Variants in BCAP29 observed in about 807,000 individuals in gnomAD.
BCAP29 encodes the protein B cell receptor associated protein 29, also known as B-cell receptor-associated protein 29.
A neutral mutation model predicts 31.8 loss-of-function variants in BCAP29; 34 were observed. The observed-to-expected ratio is 1.07, with a 90% CI of 0.81 to 1.42. BCAP29 has a LOEUF of 1.42. Among genes scored for constraint, BCAP29 ranks in the 40% most tolerant of loss-of-function variants. The probability of loss-of-function intolerance (pLI) is 0.00; values close to 1 mark genes in which losing one functional copy is unlikely to be tolerated. For missense variants in BCAP29, 314 were observed against 269.2 expected (o/e 1.17, Z -1.16); for synonymous variants, 104 against 91.3 (o/e 1.14, Z -0.79).
At chr7:107,592,026 A>G (rs945257189) in intron 3 of BCAP29, among the ~76,000 whole-genome samples, 2 of 152,014 alleles carry the variant, frequency 1.3e-5, no homozygotes, top group Admixed American at 6.6e-5. Flanking sequence ...GCCTCATGCT[A>G]TCCTTCTGCC....
chr7:107,613,592 A>T, intron 7 of BCAP29, 160 bp downstream of exon 7: 1 of 1,489,204 alleles, frequency 6.7e-7, no homozygotes, highest in South Asian at 1.1e-5. Flanking sequence ...GAGGGTAAAG[A>T]TTAGGACATT....
downstream of BCAP29, chr7:107,622,888 A>C (rs9691194): frequency 0.93 from 141,211 of 152,254 alleles, 65,630 homozygotes; most frequent in African/African-American, 0.98. Context: ...TACTGGTTGT[A>C]CCCCAGTATC....
chr7:107,617,593 C>T (rs1035811589), intron 7 of BCAP29, among the ~76,000 whole-genome samples: 1 of 152,020 alleles, frequency 6.6e-6, no homozygotes. Flanking sequence ...TCCATAATAG[C>T]TTCATTAAAG....
intron 3 of BCAP29, 135 bp from the exon 4 acceptor site, chr7:107,593,820 G>A: frequency 6.3e-6 from 5 of 788,216 alleles, no homozygotes; most frequent in Non-Finnish European, 9.6e-6. Context: ...ACTGTAGACG[G>A]AATGACATAA....
intron 5 of BCAP29, among the ~76,000 whole-genome samples, chr7:107,599,295 A>AATATATATAAT (rs1810648123): frequency 2.1e-4 from 5 of 23,346 alleles, no homozygotes; most frequent in Admixed American, 4.7e-4. Context: ...TTATATATAA[A>AATATATATAAT]TTATATATAA....
chr7:107,599,208 TAA>T (rs1810516063), intron 5 of BCAP29, among the ~76,000 whole-genome samples: 3 of 19,036 alleles, frequency 1.6e-4, no homozygotes, highest in South Asian at 2.1e-3. Context: ...TACATATTTA[TAA>T]ATATATATAT....
chr7:107,603,629 A>G (rs1250309977), intron 6 of BCAP29: 1 of 127,030 alleles, frequency 7.9e-6, no homozygotes, highest in Non-Finnish European at 1.6e-5. Flanking sequence ...TTTTTTTGAG[A>G]CAGAGTCTCA....
intron 6 of BCAP29, among the ~76,000 whole-genome samples, chr7:107,612,415 A>T (rs1369050776): frequency 2.4e-5 from 1 of 40,896 alleles, no homozygotes; most frequent in Admixed American, 3.4e-4. Flanking sequence ...ATATATATAT[A>T]TATATATATA....
downstream of BCAP29, chr7:107,621,805 C>G (rs537974764): frequency 2.0e-5 from 10 of 494,112 alleles, no homozygotes; most frequent in East Asian, 4.7e-4. Context: ...CTACAGATAC[C>G]GATAAAACTG....
At position 107,612,403 on chromosome 7, in the gene BCAP29, A is replaced by ATG. The variant is rs1413701435; in HGVS notation, c.590-928_590-927insGT. Among the ~76,000 whole-genome samples the ATG allele has an allele frequency of 1.0e-4, 3 of 28,662 alleles. No individual in the cohort carries two copies. The East Asian group carries it at 2.9e-3, about 28-fold the overall frequency. 18.8% of individuals were successfully genotyped at this position (28,662 alleles called of 152,430 possible). The stretch of plus-strand genomic sequence containing the variant: ...ACAATGTATTGTTTTATATATATAT[A>ATG]TATATATATATATATATATATATAT... On this transcript the variant is annotated intron_variant, in intron 6 of 7. Transcript: ENST00000005259.
intron 2 of BCAP29, among the ~76,000 whole-genome samples, chr7:107,582,387 A>C (rs557062791): frequency 6.6e-6 from 1 of 152,376 alleles, no homozygotes; most frequent in South Asian, 2.1e-4. Context: ...CAGATCATTT[A>C]CAATATGTCC....
chr7:107,612,391 T>G (rs761455409), intron 6 of BCAP29, among the ~76,000 whole-genome samples: 2 of 30,880 alleles, frequency 6.5e-5, no homozygotes, highest in Non-Finnish European at 1.2e-4. Flanking sequence ...ATGTATTGTT[T>G]TATATATATA....
chr7:107,583,565 A>G (rs924771338), intron 2 of BCAP29, among the ~76,000 whole-genome samples: 4 of 152,166 alleles, frequency 2.6e-5, no homozygotes, highest in African/African-American at 9.7e-5. Context: ...GATACAGAGT[A>G]GTAGCTTCTA....
At chr7:107,623,161 G>A (rs1815109027), downstream of BCAP29, 1 of 152,100 alleles carries the variant, frequency 6.6e-6, no homozygotes, top group Admixed American at 6.6e-5. Flanking sequence ...CACCTGTCCT[G>A]AATTGCTGTG....
At chr7:107,608,413 T>C (rs1389539375) in intron 6 of BCAP29, among the ~76,000 whole-genome samples, 1 of 152,230 alleles carries the variant, frequency 6.6e-6, no homozygotes, top group African/African-American at 2.4e-5. Flanking sequence ...TTGGGAGCTC[T>C]TTCATTTGGC....
chr7:107,583,911 G>C lies in BCAP29; in HGVS notation c.122G>C (p.Trp41Ser). The change falls in exon 3 of 8, where the codon TGG (tryptophan) becomes TCG (serine). Residue 41 changes from tryptophan (W) to serine (S), a missense_variant. Trp to Ser is a radical substitution (Grantham distance 177). Coordinates refer to ENST00000005259, the MANE Select transcript of BCAP29 (RefSeq NM_018844.4). ...RWQKIFSFNV[W>S]GKIATFWNKA... ...CAGAAGATTTTTTCATTTAATGTCT[G>C]GGGTAAAATTGCAACTTTTTGGAAC... The C allele has an allele frequency of 6.3e-7, 1 of 1,578,702 alleles. No homozygotes were observed. Among genetic ancestry groups the C allele is most frequent in the East Asian group, 2.3e-5 (1 of 43,480 alleles).
Position 107,600,393 on chromosome 7 carries a change from A to G in BCAP29, c.481-4A>G, listed in dbSNP as rs760413945. ...ATTTCTTCCTGTATCTCCTTTTGCA[A>G]TAGATTTTGAAAAGCCATGGTAAAG... On this transcript the variant is annotated splice_polypyrimidine_tract_variant and splice_region_variant and intron_variant, in intron 5 of 7. Coordinates refer to ENST00000005259, the MANE Select transcript of BCAP29 (RefSeq NM_018844.4). The G allele has an allele frequency of 4.4e-5, 68 of 1,559,564 alleles. No homozygotes were observed. The highest frequency in any genetic ancestry group is 5.1e-5 in the Admixed American group (3 of 59,026).
intron 2 of BCAP29, among the ~76,000 whole-genome samples, chr7:107,582,309 A>G (rs1806833848): frequency 6.6e-6 from 1 of 152,228 alleles, no homozygotes; most frequent in South Asian, 2.1e-4. Flanking sequence ...AGATGTGTGT[A>G]TATTTGCATA....
chr7:107,612,400 T>G (rs1813308168), intron 6 of BCAP29, among the ~76,000 whole-genome samples: 1 of 22,500 alleles, frequency 4.4e-5, no homozygotes, highest in South Asian at 3.7e-3. Flanking sequence ...TTTATATATA[T>G]ATATATATAT....
Sources: allele counts gnomAD v4.1 joint callset (sites outside exome capture counted in the v4.1 genomes callset), GRCh38; gene constraint gnomAD v4.1.1; transcripts MANE v1.5; gene names NCBI Gene and HGNC (gene_info 2026-07-23, HGNC 2026-07-21).